The following MTMR10 variants were observed in gnomAD, a reference collection of about 807,000 sequenced individuals.
The protein encoded by MTMR10 is myotubularin-related protein 10.
In MTMR10, 56 loss-of-function variants were observed where a neutral mutation model predicts 88.1. The observed-to-expected ratio is 0.64, with a 90% CI of 0.51 to 0.79. The LOEUF is 0.79. Ranked by LOEUF, MTMR10 falls within the 30% of genes least tolerant of loss-of-function variation. The probability of loss-of-function intolerance (pLI) is 0.00; values close to 1 mark genes in which losing one functional copy is unlikely to be tolerated. For missense variants in MTMR10, 883 were observed against 924.7 expected, an observed-to-expected ratio of 0.95 and a Z score of 0.58; for synonymous variants, 380 against 340.9, an observed-to-expected ratio of 1.11 and a Z score of -1.26.
downstream of MTMR10, among the ~76,000 whole-genome samples, chr15:30,937,755 G>A (rs561136779): frequency 6.6e-6 from 1 of 151,916 alleles, no homozygotes; most frequent in South Asian, 2.1e-4. Context: ...ACTGTACCCA[G>A]CTCATAATGA....
At chr15:30,929,844 AAAAT>A in the MTMR10 span, among the ~76,000 whole-genome samples, 68 of 79,486 alleles carry the variant, frequency 8.6e-4, 9 homozygotes, top group African/African-American at 4.6e-3. Flanking sequence ...TATAATATAT[AAAAT>A]ATATATCATA....
chr15:30,928,719 C>T, the MTMR10 span: 4 of 1,608,162 alleles, frequency 2.5e-6, no homozygotes, highest in Non-Finnish European at 3.4e-6. Flanking sequence ...TCACGCCCAC[C>T]TGGGCACCGT....
the MTMR10 span, chr15:30,925,278 A>G: frequency 1.4e-5 from 23 of 1,614,040 alleles, no homozygotes; most frequent in Non-Finnish European, 1.9e-5. Context: ...ATGGCTGTGC[A>G]AGATGTGAAA....
intron 2 of MTMR10, among the ~76,000 whole-genome samples, chr15:30,977,385 A>C (rs1316007596): frequency 1.3e-5 from 2 of 152,250 alleles, no homozygotes; most frequent in Non-Finnish European, 2.9e-5. Flanking sequence ...AAGGAATGAG[A>C]AACAGAGCTC....
At chr15:30,938,884 T>G, downstream of MTMR10, 1 of 973,988 alleles carries the variant, frequency 1.0e-6, no homozygotes, top group Non-Finnish European at 1.2e-6. Context: ...AGAAGATGCC[T>G]TCACCTCTTC....
At chr15:30,942,317 A>C (rs929524419) in intron 15 of MTMR10, 18 of 558,808 alleles carry the variant, frequency 3.2e-5, no homozygotes, top group Non-Finnish European at 5.0e-5. Flanking sequence ...AGTACCTCCT[A>C]TCCACTAATT....
chr15:30,923,837 TGTG>T, the MTMR10 span, among the ~76,000 whole-genome samples: 1 of 152,234 alleles, frequency 6.6e-6, no homozygotes, highest in East Asian at 1.9e-4. Flanking sequence ...ATGTTTCTAT[TGTG>T]GTAAAATAAA....
intron 1 of MTMR10, 120 bp from the exon 2 acceptor site, chr15:30,990,957 AT>A: frequency 3.8e-6 from 3 of 782,468 alleles, no homozygotes; most frequent in Non-Finnish European, 6.1e-6. Context: ...CCCCATTTAA[AT>A]TCTTTCGCAT....
chr15:30,982,684 T>C (rs1365404716), intron 2 of MTMR10, among the ~76,000 whole-genome samples: 2 of 152,188 alleles, frequency 1.3e-5, no homozygotes, highest in Non-Finnish European at 2.9e-5. Context: ...GGTCTTCCTA[T>C]TACAATAATT....
intron 3 of MTMR10, among the ~76,000 whole-genome samples, chr15:30,976,107 A>T (rs895880831): frequency 1.0e-4 from 7 of 67,970 alleles, no homozygotes; most frequent in African/African-American, 3.0e-4. Flanking sequence ...TAATTAGTTT[A>T]AAAAAAAAAA....
At chr15:30,965,784 T>TA (rs2063465748) in intron 6 of MTMR10, 2 of 303,676 alleles carry the variant, frequency 6.6e-6, no homozygotes, top group Non-Finnish European at 1.3e-5. Context: ...CCTGAGTGAC[T>TA]AAGGCCAGCT....
chr15:30,918,718 T>G, the MTMR10 span, among the ~76,000 whole-genome samples: 1 of 152,326 alleles, frequency 6.6e-6, no homozygotes, highest in East Asian at 1.9e-4. Context: ...AAGCGAACTT[T>G]CCAGGTACAC....
intron 5 of MTMR10, among the ~76,000 whole-genome samples, chr15:30,969,790 G>A (rs902750141): frequency 5.3e-5 from 8 of 151,948 alleles, no homozygotes; most frequent in African/African-American, 1.5e-4. Flanking sequence ...TATTCCCTCC[G>A]CAATCTCAGG....
the MTMR10 span, chr15:30,925,799 CA>C: frequency 6.2e-7 from 1 of 1,614,042 alleles, no homozygotes; most frequent in Non-Finnish European, 8.5e-7. Flanking sequence ...GTGACCATCA[CA>C]GGCAGGCTGT....
rs571683873 is a variant in MTMR10, at chr15:30,987,951, G to C, written c.121+2826C>G. Among the ~76,000 whole-genome samples the C allele has an allele frequency of 2.7e-5, 4 of 148,284 alleles. No individual in the cohort carries two copies. In the South Asian group the frequency reaches 8.4e-4, roughly 31 times the overall value. ...GTTGAACAATAACTTCTGCATCCCT[G>C]TATATAGCCACAGGTGATGTGGCCA... On this transcript the variant is annotated intron_variant, in intron 2 of 15. Coordinates refer to ENST00000435680, the MANE Select transcript of MTMR10 (RefSeq NM_017762.3).
chr15:30,990,699 CAT>C, intron 2 of MTMR10, 76 bp downstream of exon 2: 2 of 1,223,204 alleles, frequency 1.6e-6, no homozygotes, highest in Non-Finnish European at 2.3e-6. Flanking sequence ...AAGTTAACCA[CAT>C]GATACTAGTC....
intron 15 of MTMR10, 31 bp from the exon 16 acceptor site, chr15:30,942,103 G>A: frequency 1.3e-6 from 2 of 1,577,240 alleles, no homozygotes. Context: ...TATGTTCCGG[G>A]GATTCCCTTT....
At chr15:30,924,236 T>C in the MTMR10 span, among the ~76,000 whole-genome samples, 2 of 152,234 alleles carry the variant, frequency 1.3e-5, no homozygotes, top group African/African-American at 4.8e-5. Flanking sequence ...CACATTTTTC[T>C]AGCCACTCAT....
At position 30,958,967 on chromosome 15, in the gene MTMR10, A is replaced by T; in HGVS notation, c.847-16T>A. Reference sequence around the variant, plus strand: ...AGCACCAGAGCTAGGGGAGAGGTAGAATCCTTACTTCACTGTGTAGAAACA... The same window carrying T: ...AGCACCAGAGCTAGGGGAGAGGTAGTATCCTTACTTCACTGTGTAGAAACA... On this transcript the variant is annotated splice_polypyrimidine_tract_variant and intron_variant, in intron 8 of 15. Transcript: ENST00000435680. 1 of 1,613,986 alleles carries T rather than the reference A, an allele frequency of 6.2e-7. No individual in the cohort carries two copies. Among genetic ancestry groups the T allele is most frequent in the Non-Finnish European group, 8.5e-7 (1 of 1,179,850 alleles).
Sources: gnomAD v4.1 joint callset for allele counts (sites outside exome capture counted in the v4.1 genomes callset) on GRCh38, gnomAD v4.1.1 for gene constraint, MANE v1.5 for transcripts, NCBI Gene and HGNC (gene_info 2026-07-23, HGNC 2026-07-21) for gene names.